Variants in NCALD observed in about 807,000 individuals in gnomAD.
NCALD encodes neurocalcin-delta.
Under a neutral mutation model 18.6 loss-of-function variants are expected in NCALD, and 10 were observed. The ratio of observed to expected loss-of-function variants is 0.54; its 90% confidence interval spans 0.33 to 0.91. The LOEUF is 0.91. Ranked by LOEUF, NCALD falls within the 40% of genes least tolerant of loss-of-function variation. The pLI is 0.03. For missense variants in NCALD, 184 were observed against 247.6 expected (o/e 0.74, Z 1.72); for synonymous variants, 88 against 87.4 (o/e 1.01, Z -0.04).
intron 1 of NCALD, among the ~76,000 whole-genome samples, chr8:102,084,286 A>G (rs1824658163): frequency 6.6e-6 from 1 of 152,242 alleles, no homozygotes; most frequent in African/African-American, 2.4e-5. Flanking sequence ...GCGAATCTGT[A>G]TGAGTCTGCA....
intron 1 of NCALD, among the ~76,000 whole-genome samples, chr8:102,062,759 G>C (rs1378407967): frequency 6.6e-6 from 1 of 152,148 alleles, no homozygotes; most frequent in African/African-American, 2.4e-5. Flanking sequence ...TCTTCTCCTA[G>C]AGAAAGAGAG....
At chr8:101,726,945 G>A (rs886941622) in intron 1 of NCALD, among the ~76,000 whole-genome samples, 3 of 152,214 alleles carry the variant, frequency 2.0e-5, no homozygotes, top group African/African-American at 4.8e-5. Flanking sequence ...TCTGGGAGAT[G>A]AGAAGGAGCC....
At chr8:101,992,963 A>G (rs1158271138) in intron 2 of NCALD, among the ~76,000 whole-genome samples, 1 of 150,178 alleles carries the variant, frequency 6.7e-6, no homozygotes, top group Non-Finnish European at 1.5e-5. Flanking sequence ...AAAGTAAGGC[A>G]CAAAAAGTTT....
At chr8:101,985,231 C>A (rs1820763738) in intron 2 of NCALD, among the ~76,000 whole-genome samples, 1 of 152,158 alleles carries the variant, frequency 6.6e-6, no homozygotes, top group Non-Finnish European at 1.5e-5. Context: ...GACCCACCCC[C>A]AGCCCAAGCT....
chr8:101,718,498 G>C (rs1331798878), intron 2 of NCALD, among the ~76,000 whole-genome samples: 1 of 152,064 alleles, frequency 6.6e-6, no homozygotes, highest in African/African-American at 2.4e-5. Context: ...TTCTTAGCAG[G>C]GAGTGTTGAT....
rs909614498 is a variant in NCALD at position 101,692,976 on chromosome 8, C to T, written c.379-80G>A. 5.4e-5 allele frequency: 55 copies of T among 1,020,948 alleles called. No homozygotes were observed. The Middle Eastern group carries it at 1.4e-3, about 27-fold the overall frequency. 63.2% of individuals were successfully genotyped at this position (1,020,948 alleles called of 1,614,324 possible). On this transcript the variant is annotated intron_variant, in intron 2 of 3. Transcript: ENST00000220931. ...GACCTATCATTAAACCTCCCAAATG[C>T]GGGCTGAAGGGAATGTCCCCATCCG...
intron 4 of NCALD, among the ~76,000 whole-genome samples, chr8:101,878,643 T>C (rs1816330589): frequency 6.6e-6 from 1 of 152,182 alleles, no homozygotes; most frequent in African/African-American, 2.4e-5. Context: ...TATAAGGAGG[T>C]CATACCAGCA....
At chr8:101,784,852 A>C (rs1321187492) in intron 1 of NCALD, among the ~76,000 whole-genome samples, 2 of 152,172 alleles carry the variant, frequency 1.3e-5, no homozygotes, top group Non-Finnish European at 2.9e-5. Context: ...GCTATTTTTG[A>C]ATACAATCTG....
chr8:101,782,080 G>GTTGTATATATATATTGTATA, intron 1 of NCALD, among the ~76,000 whole-genome samples: 1 of 136,502 alleles, frequency 7.3e-6, no homozygotes, highest in South Asian at 2.3e-4. Flanking sequence ...TATATTGTAT[G>GTTGTATATATATATTGTATA]TTTTATATAT....
rs531228828 is a variant in NCALD at position 102,027,526 on chromosome 8, T to C, written c.-209-7237A>G. The stretch of plus-strand genomic sequence containing the variant: ...ACTATCAGCATTTTGGTTAAAGCCA[T>C]TCAACAAGTCTCTAGGAAGTTTCAA... On this transcript the variant is annotated intron_variant, in intron 1 of 6. Coordinates refer to the NCALD transcript ENST00000311028. Among the ~76,000 whole-genome samples the C allele has an allele frequency of 2.3e-4, 35 of 152,326 alleles. No individual in the cohort carries two copies. The East Asian group carries it at 3.9e-3, about 17-fold the overall frequency.
intron 2 of NCALD, among the ~76,000 whole-genome samples, chr8:101,923,214 C>T (rs1210171529): frequency 5.3e-5 from 8 of 152,212 alleles, no homozygotes; most frequent in Admixed American, 5.2e-4. Context: ...TGATCTTGGA[C>T]TTTCCAGCCT....
chr8:101,896,507 T>A (rs1241409550), intron 3 of NCALD, among the ~76,000 whole-genome samples: 2 of 151,492 alleles, frequency 1.3e-5, no homozygotes, highest in South Asian at 2.1e-4. Context: ...AAGACAAAAT[T>A]GACAAATGGG....
At chr8:102,009,789 T>C (rs1428452500) in intron 2 of NCALD, among the ~76,000 whole-genome samples, 3 of 152,246 alleles carry the variant, frequency 2.0e-5, no homozygotes, top group Non-Finnish European at 4.4e-5. Flanking sequence ...TTAGATGCCA[T>C]GGTAACCACA....
chr8:101,866,004 C>T (rs1815755034), intron 4 of NCALD, among the ~76,000 whole-genome samples: 1 of 152,152 alleles, frequency 6.6e-6, no homozygotes, highest in South Asian at 2.1e-4. Context: ...TCCTAGTGCT[C>T]CAGTACTTGA....
At chr8:101,736,177 T>C (rs1303002314) in intron 1 of NCALD, among the ~76,000 whole-genome samples, 1 of 152,190 alleles carries the variant, frequency 6.6e-6, no homozygotes, top group African/African-American at 2.4e-5. Flanking sequence ...TCTCAAGCCA[T>C]CTTGGGACTA....
intron 1 of NCALD, among the ~76,000 whole-genome samples, chr8:102,073,850 A>G (rs1457250607): frequency 6.6e-6 from 1 of 152,228 alleles, no homozygotes; most frequent in African/African-American, 2.4e-5. Flanking sequence ...CGACTGGTTG[A>G]AATTGCTGTC....
At chr8:101,888,621 TG>T in intron 3 of NCALD, among the ~76,000 whole-genome samples, 1 of 151,944 alleles carries the variant, frequency 6.6e-6, no homozygotes, top group Admixed American at 6.6e-5. Context: ...CTTGCTATGT[TG>T]CCCAGGCTGG....
intron 3 of NCALD, chr8:101,691,827 G>A (rs981073588): frequency 1.0e-6 from 1 of 985,290 alleles, no homozygotes; most frequent in Admixed American, 6.2e-5. Context: ...CTATAGATCA[G>A]CGCCAGGTGG....
chr8:101,903,090 G>A (rs1817493234), intron 3 of NCALD, among the ~76,000 whole-genome samples: 1 of 152,196 alleles, frequency 6.6e-6, no homozygotes, highest in African/African-American at 2.4e-5. Flanking sequence ...CCAGCACGTG[G>A]AGGCAGGAAA....
Sources: gnomAD v4.1 joint callset for allele counts (sites outside exome capture counted in the v4.1 genomes callset) on GRCh38, gnomAD v4.1.1 for gene constraint, MANE v1.5 for transcripts, NCBI Gene and HGNC (gene_info 2026-07-23, HGNC 2026-07-21) for gene names.